ASZ1: variants seen among roughly 807,000 people sequenced by gnomAD.
The protein encoded by ASZ1 is ankyrin repeat, SAM and basic leucine zipper domain-containing protein 1.
ASZ1 carries 67 observed loss-of-function variants against 61.8 expected under a neutral mutation model. The ratio of observed to expected loss-of-function variants is 1.08; its 90% CI spans 0.89 to 1.33. The LOEUF (loss-of-function observed/expected upper bound fraction) is 1.33. Ranked by LOEUF, ASZ1 falls within the 40% of genes most tolerant of loss-of-function variation. The probability of loss-of-function intolerance (pLI) is 0.00; values close to 1 mark genes in which losing one functional copy is unlikely to be tolerated. For missense variants in ASZ1, 577 were observed against 554.5 expected (o/e 1.04, Z -0.41); for synonymous variants, 193 against 192.7 (o/e 1.00, Z -0.01).
chr7:117,418,056 G>A lies in ASZ1; in HGVS notation c.440+2107C>T, dbSNP rs534144173. On this transcript the variant is annotated intron_variant, in intron 4 of 12. Coordinates refer to ENST00000284629, the MANE Select transcript of ASZ1 (RefSeq NM_130768.3). ...TTCTAGTTCTTGAGGAGAAAGAATA[G>A]TCTAGAACCTATGACACTGGCTTGA... Among the ~76,000 whole-genome samples, 15 of 152,260 alleles carry A rather than the reference G, an allele frequency of 9.9e-5. No individual in the cohort carries two copies. In the East Asian group the frequency reaches 1.2e-3, roughly 12 times the overall value.
At chr7:117,373,746 A>T (rs886070460) in intron 10 of ASZ1, among the ~76,000 whole-genome samples, 1 of 152,192 alleles carries the variant, frequency 6.6e-6, no homozygotes, top group South Asian at 2.1e-4. Context: ...AGCTTTTAAT[A>T]CGTGAACTAT....
chr7:117,384,942 T>C, intron 5 of ASZ1, 82 bp from the exon 6 acceptor site: 1 of 1,250,480 alleles, frequency 8.0e-7, no homozygotes, highest in East Asian at 2.7e-5. Flanking sequence ...ACAGTATTTA[T>C]GACACAATAA....
chr7:117,398,697 C>T (rs917836275), intron 4 of ASZ1, among the ~76,000 whole-genome samples: 19 of 152,146 alleles, frequency 1.2e-4, no homozygotes, highest in East Asian at 1.9e-4. Context: ...GATAAAAATT[C>T]GTATCTCTCA....
At chr7:117,383,663 G>T (rs1183042404) in intron 6 of ASZ1, among the ~76,000 whole-genome samples, 3 of 151,876 alleles carry the variant, frequency 2.0e-5, no homozygotes, top group East Asian at 3.9e-4. Context: ...GGAAGTCAAG[G>T]TTATATCACA....
At chr7:117,402,708 T>C (rs1204775623) in intron 4 of ASZ1, among the ~76,000 whole-genome samples, 2 of 152,198 alleles carry the variant, frequency 1.3e-5, no homozygotes, top group Non-Finnish European at 2.9e-5. Context: ...TAATACCCTA[T>C]AAAGCTTAAG....
intron 4 of ASZ1, among the ~76,000 whole-genome samples, chr7:117,403,206 G>T (rs1796713014): frequency 6.6e-6 from 1 of 152,088 alleles, no homozygotes; most frequent in African/African-American, 2.4e-5. Flanking sequence ...TACGTACCAA[G>T]CACCTGTCCT....
intron 4 of ASZ1, among the ~76,000 whole-genome samples, chr7:117,416,204 A>T (rs914049566): frequency 6.6e-6 from 1 of 152,078 alleles, no homozygotes; most frequent in African/African-American, 2.4e-5. Context: ...TAAATAAATA[A>T]ATAATAAAAT....
At chr7:117,415,778 A>T (rs1175084356) in intron 4 of ASZ1, among the ~76,000 whole-genome samples, 1 of 152,250 alleles carries the variant, frequency 6.6e-6, no homozygotes, top group African/African-American at 2.4e-5. Context: ...CAACAAAAAA[A>T]GGTATTCAGT....
At chr7:117,397,186 G>C (rs928906193) in intron 4 of ASZ1, among the ~76,000 whole-genome samples, 2 of 151,950 alleles carry the variant, frequency 1.3e-5, no homozygotes, top group Non-Finnish European at 2.9e-5. Flanking sequence ...AACCAGCCTG[G>C]GCAACATAGT....
At chr7:117,365,704 G>C (rs1289141345) in intron 12 of ASZ1, among the ~76,000 whole-genome samples, 1 of 152,148 alleles carries the variant, frequency 6.6e-6, no homozygotes, top group African/African-American at 2.4e-5. Flanking sequence ...GATTCTTCTA[G>C]ATGAGATATA....
At chr7:117,393,524 A>AT (rs1000024868) in intron 4 of ASZ1, among the ~76,000 whole-genome samples, 8 of 151,902 alleles carry the variant, frequency 5.3e-5, no homozygotes, top group Admixed American at 2.0e-4. Flanking sequence ...CCCTAGGGGT[A>AT]TTTTTTTATC....
At chr7:117,416,477 C>A (rs1275825768) in intron 4 of ASZ1, among the ~76,000 whole-genome samples, 1 of 152,146 alleles carries the variant, frequency 6.6e-6, no homozygotes, top group African/African-American at 2.4e-5. Flanking sequence ...TAGCAAACTA[C>A]TAATACACAG....
At chr7:117,367,277 GC>G in intron 12 of ASZ1, 74 bp downstream of exon 12, 1 of 1,146,132 alleles carries the variant, frequency 8.7e-7, no homozygotes, top group Non-Finnish European at 1.1e-6. Context: ...TACCAGAACT[GC>G]TTCATTGTCT....
chr7:117,367,913 G>A, intron 11 of ASZ1: 1 of 971,348 alleles, frequency 1.0e-6, no homozygotes, highest in Non-Finnish European at 1.2e-6. Flanking sequence ...AAAGTGTCTT[G>A]TTCTGTTGCC....
chr7:117,385,913 G>T, intron 4 of ASZ1, 104 bp from the exon 5 acceptor site: 2 of 844,616 alleles, frequency 2.4e-6, no homozygotes, highest in Non-Finnish European at 3.6e-6. Flanking sequence ...CTTTGAAAAC[G>T]AAAAGAAATG....
chr7:117,386,240 A>T (rs1438253904), intron 4 of ASZ1, among the ~76,000 whole-genome samples: 2 of 152,238 alleles, frequency 1.3e-5, no homozygotes, highest in African/African-American at 4.8e-5. Context: ...GATTGCTGAA[A>T]CAAAAATGTA....
intron 4 of ASZ1, among the ~76,000 whole-genome samples, chr7:117,401,423 AAAC>A (rs1796678898): frequency 6.6e-6 from 1 of 152,062 alleles, no homozygotes; most frequent in African/African-American, 2.4e-5. Context: ...AAAATATTAA[AAAC>A]AACCAGAGGA....
chr7:117,366,822 G>A (rs1795949908), intron 12 of ASZ1, among the ~76,000 whole-genome samples: 1 of 152,008 alleles, frequency 6.6e-6, no homozygotes, highest in Non-Finnish European at 1.5e-5. Context: ...TATTTTATCT[G>A]TACATTTACA....
At chr7:117,366,585 G>C (rs1795943956) in intron 12 of ASZ1, among the ~76,000 whole-genome samples, 1 of 151,580 alleles carries the variant, frequency 6.6e-6, no homozygotes, top group South Asian at 2.1e-4. Context: ...CATTCCAACA[G>C]CTTAGATTTT....
Sources: gnomAD v4.1 joint callset for allele counts (sites outside exome capture counted in the v4.1 genomes callset) on GRCh38, gnomAD v4.1.1 for gene constraint, MANE v1.5 for transcripts, NCBI Gene and HGNC (gene_info 2026-07-23, HGNC 2026-07-21) for gene names.